Variants in PSD3 observed in about 807,000 individuals in gnomAD.
The protein encoded by PSD3 is pleckstrin and Sec7 domain containing 3.
Under a neutral mutation model 105.5 loss-of-function variants are expected in PSD3, and 49 were observed. That is an observed-to-expected ratio of 0.46 (90% confidence interval 0.37 to 0.59). The LOEUF is 0.59. Among genes scored for constraint, PSD3 ranks in the 20% least tolerant of loss-of-function variants. The probability of loss-of-function intolerance (pLI) is 0.00; values close to 1 mark genes in which losing one functional copy is unlikely to be tolerated. For missense variants in PSD3, 1,561 were observed against 1,263.8 expected (o/e 1.24, Z -3.57); for synonymous variants, 557 against 457.8 (o/e 1.22, Z -2.77).
chr8:18,842,728 G>A (rs1201628134), intron 4 of PSD3, among the ~76,000 whole-genome samples: 4 of 137,656 alleles, frequency 2.9e-5, no homozygotes, highest in Non-Finnish European at 5.0e-5. Context: ...GCGAGACTCC[G>A]TCTAAAAAAA....
At chr8:18,565,146 A>G (rs1801656515) in intron 14 of PSD3, among the ~76,000 whole-genome samples, 1 of 152,086 alleles carries the variant, frequency 6.6e-6, no homozygotes, top group Admixed American at 6.6e-5. Flanking sequence ...CCCAGCCTGG[A>G]CCTGAACGAC....
At chr8:18,657,436 T>C (rs1045147485) in intron 9 of PSD3, among the ~76,000 whole-genome samples, 1 of 152,184 alleles carries the variant, frequency 6.6e-6, no homozygotes, top group African/African-American at 2.4e-5. Flanking sequence ...AATATTACAG[T>C]AGCTAATAAA....
chr8:18,927,148 G>A (rs879563616), intron 2 of PSD3, among the ~76,000 whole-genome samples: 3 of 152,092 alleles, frequency 2.0e-5, no homozygotes, highest in Admixed American at 6.6e-5. Flanking sequence ...CCCCAGGCAC[G>A]CCACCTTCCA....
At chr8:18,715,143 G>T (rs538345073) in intron 9 of PSD3, among the ~76,000 whole-genome samples, 13 of 152,080 alleles carry the variant, frequency 8.5e-5, no homozygotes, top group African/African-American at 3.1e-4. Context: ...GTGGGAAGAC[G>T]GAGAACATCA....
intron 2 of PSD3, among the ~76,000 whole-genome samples, chr8:18,888,175 C>A (rs1438911401): frequency 2.6e-5 from 4 of 152,154 alleles, no homozygotes; most frequent in Non-Finnish European, 5.9e-5. Flanking sequence ...AAATATCCAC[C>A]TCTCAAGAAG....
chr8:18,921,571 C>T (rs76607932), intron 2 of PSD3, among the ~76,000 whole-genome samples: 6 of 152,182 alleles, frequency 3.9e-5, no homozygotes, highest in Non-Finnish European at 7.4e-5. Context: ...CAGGTGGTCA[C>T]GGGGAGTCTC....
Position 18,784,792 on chromosome 8 carries a change from G to A in PSD3, c.2082+14503C>T, listed in dbSNP as rs112742858. ...TGATGTTGGGATGCCCACCTTCCAA[G>A]CACATAGATGTACTTGCCAACCTCA... On this transcript the variant is annotated intron_variant, in intron 8 of 15. Coordinates refer to ENST00000327040, the MANE Select transcript of PSD3 (RefSeq NM_015310.4). Among the ~76,000 whole-genome samples the A allele has an allele frequency of 7.5e-3, 1,142 of 152,258 alleles. 9 individuals are homozygous for A. Among genetic ancestry groups the A allele is most frequent in the African/African-American group, 0.027 (1,105 of 41,538 alleles).
At chr8:19,027,806 T>C (rs1203274140) in intron 1 of PSD3, among the ~76,000 whole-genome samples, 1 of 152,232 alleles carries the variant, frequency 6.6e-6, no homozygotes, top group African/African-American at 2.4e-5. Flanking sequence ...CAGTGTTCCA[T>C]TGTATGGATA....
intron 8 of PSD3, among the ~76,000 whole-genome samples, chr8:18,783,857 A>G (rs1279174782): frequency 6.6e-6 from 1 of 152,064 alleles, no homozygotes; most frequent in East Asian, 1.9e-4. Context: ...CTGGTCTCGA[A>G]CTCCTGACCT....
intron 4 of PSD3, among the ~76,000 whole-genome samples, chr8:18,856,059 A>C (rs1815983326): frequency 1.3e-5 from 2 of 152,232 alleles, no homozygotes; most frequent in South Asian, 4.1e-4. Flanking sequence ...CCCAAATCCA[A>C]GCAGCTGCTG....
chr8:19,016,299 C>G (rs1827176081), upstream of PSD3, among the ~76,000 whole-genome samples: 2 of 152,078 alleles, frequency 1.3e-5, no homozygotes. Flanking sequence ...CACCTCTTCC[C>G]ATGAGCCCTA....
At chr8:19,007,875 G>A (rs912137976) in intron 1 of PSD3, among the ~76,000 whole-genome samples, 7 of 151,782 alleles carry the variant, frequency 4.6e-5, no homozygotes, top group African/African-American at 1.2e-4. Flanking sequence ...AGGGAGTCTC[G>A]CTCTGTTGCC....
intron 9 of PSD3, among the ~76,000 whole-genome samples, chr8:18,695,890 T>C (rs1285339370): frequency 6.6e-6 from 1 of 152,172 alleles, no homozygotes; most frequent in Non-Finnish European, 1.5e-5. Flanking sequence ...AATGATAACT[T>C]CATGTGACCA....
intron 9 of PSD3, among the ~76,000 whole-genome samples, chr8:18,753,312 C>A (rs1406790074): frequency 6.6e-6 from 1 of 151,710 alleles, no homozygotes; most frequent in African/African-American, 2.4e-5. Flanking sequence ...CGAGATCATG[C>A]CACTGTACTC....
intron 4 of PSD3, chr8:18,865,136 C>A (rs943275722): frequency 6.7e-6 from 1 of 149,820 alleles, no homozygotes; most frequent in Non-Finnish European, 1.5e-5. Flanking sequence ...AGGAGCCAGA[C>A]AACTTGAATT....
intron 4 of PSD3, among the ~76,000 whole-genome samples, chr8:18,843,189 T>A (rs552816228): frequency 1.3e-5 from 2 of 152,068 alleles, no homozygotes; most frequent in African/African-American, 2.4e-5. Flanking sequence ...TGAAACCCCA[T>A]CTCTACTAAA....
intron 1 of PSD3, among the ~76,000 whole-genome samples, chr8:19,033,308 G>A (rs1258632227): frequency 6.6e-6 from 1 of 152,022 alleles, no homozygotes; most frequent in Non-Finnish European, 1.5e-5. Flanking sequence ...GGACATACTA[G>A]TTTATTCCGC....
Position 18,872,076 on chromosome 8 carries a change from G to A in PSD3, c.788C>T (p.Ala263Val), listed in dbSNP as rs368285479. The change falls in exon 3 of 16, where the codon GCA (alanine) becomes GTA (valine). Residue 263 changes from alanine (A) to valine (V), a missense_variant. Physicochemically the swap from Ala to Val is moderately conservative, Grantham distance 64 (BLOSUM62 0). Coordinates refer to ENST00000327040, the MANE Select transcript of PSD3 (RefSeq NM_015310.4). Reference sequence around the variant, plus strand: ...CTCTTTCAAGAAACCAACACTGCCTGCAGAGTGGCAGGTCACTGCTGAGCT... The same window carrying A: ...CTCTTTCAAGAAACCAACACTGCCTACAGAGTGGCAGGTCACTGCTGAGCT... The part of the protein sequence containing the change: ...LGSSAVTCHS[A>V]GSVGFLKEQR... 24 of 1,614,078 alleles carry A rather than the reference G, an allele frequency of 1.5e-5. No homozygotes were observed. Among genetic ancestry groups the A allele is most frequent in the Non-Finnish European group, 2.0e-5 (24 of 1,180,050 alleles).
chr8:19,019,594 T>C (rs942355599), intron 1 of PSD3, among the ~76,000 whole-genome samples: 1 of 152,212 alleles, frequency 6.6e-6, no homozygotes, highest in Non-Finnish European at 1.5e-5. Flanking sequence ...TATTTGTTAT[T>C]GTATTCCTAG....
Sources: gnomAD v4.1 joint callset for allele counts (sites outside exome capture counted in the v4.1 genomes callset) on GRCh38, gnomAD v4.1.1 for gene constraint, MANE v1.5 for transcripts, NCBI Gene and HGNC (gene_info 2026-07-23, HGNC 2026-07-21) for gene names.